SAXO1: variants seen among roughly 807,000 people sequenced by gnomAD.
The protein encoded by SAXO1 is 4930500O09Rik.
SAXO1 carries 21 observed loss-of-function variants against 17.5 expected under a neutral mutation model. The observed-to-expected ratio is 1.20, with a 90% CI of 0.85 to 1.72. The LOEUF is 1.72. SAXO1 is among the 40% of genes most tolerant of loss of function. The pLI is 0.00. For synonymous variants in SAXO1, 274 were observed against 216.5 expected (o/e 1.27, Z -2.33); for missense variants, 843 against 596.0 (o/e 1.41, Z -4.32).
In SAXO1 at chr9:19,024,345, A is replaced by G. The variant is rs1318252065; in HGVS notation, c.38+8526T>C. Reference sequence around the variant, plus strand: ...CAACCTTAAGAATATCGCAAGGACAAAAAACCAAACACCGCATGTTCTCAC... The same window carrying G: ...CAACCTTAAGAATATCGCAAGGACAGAAAACCAAACACCGCATGTTCTCAC... On this transcript the variant is annotated intron_variant, in intron 1 of 3. Coordinates refer to ENST00000380534, the MANE Select transcript of SAXO1 (RefSeq NM_153707.4). Among the ~76,000 whole-genome samples the G allele has an allele frequency of 2.0e-5, 3 of 152,086 alleles. No individual in the cohort carries two copies. The East Asian group carries it at 5.8e-4, about 30-fold the overall frequency.
chr9:19,014,416 A>C (rs62560439), intron 1 of SAXO1, among the ~76,000 whole-genome samples: 5,701 of 144,740 alleles, frequency 0.039, 142 homozygotes, highest in Non-Finnish European at 0.055. Context: ...AGCTGAGATC[A>C]CGCCACTGCA....
At chr9:18,942,757 G>T (rs10811069) in intron 2 of SAXO1, among the ~76,000 whole-genome samples, 3 of 152,042 alleles carry the variant, frequency 2.0e-5, no homozygotes, top group Non-Finnish European at 4.4e-5. Context: ...ACCAGGAACC[G>T]CCCTAAGGAG....
intron 1 of SAXO1, among the ~76,000 whole-genome samples, chr9:18,957,442 A>G (rs4977478): frequency 0.77 from 117,622 of 152,034 alleles, 45,578 homozygotes; most frequent in Middle Eastern, 0.83. Flanking sequence ...CCAGGGCCCA[A>G]TCACCTCCCA....
rs1834193310 is a variant in SAXO1, at chr9:19,000,117, C to T, written c.38+32754G>A. Among the ~76,000 whole-genome samples, 4 of 151,004 alleles carry T rather than the reference C, an allele frequency of 2.6e-5. No homozygotes were observed. In the South Asian group the frequency reaches 8.4e-4, roughly 32 times the overall value. The stretch of plus-strand genomic sequence containing the variant: ...CCCACCATCTGGGAAGTGAGGAGCA[C>T]CTCTGTCCGGCTGTCCCACTGTCTG... On this transcript the variant is annotated intron_variant, in intron 1 of 3. Coordinates refer to ENST00000380534, the MANE Select transcript of SAXO1 (RefSeq NM_153707.4).
intron 2 of SAXO1, among the ~76,000 whole-genome samples, chr9:18,945,301 A>T (rs1831742903): frequency 6.6e-6 from 1 of 151,840 alleles, no homozygotes; most frequent in African/African-American, 2.4e-5. Flanking sequence ...ACCTTATCCC[A>T]CTGTGGTTGT....
intron 3 of SAXO1, among the ~76,000 whole-genome samples, chr9:18,931,955 A>C (rs921628736): frequency 6.6e-6 from 1 of 152,078 alleles, no homozygotes; most frequent in Non-Finnish European, 1.5e-5. Context: ...CAAGTCTATC[A>C]CTTCTCTTTT....
Position 18,941,667 on chromosome 9 carries a change from C to A in SAXO1, c.391G>T (p.Asp131Tyr), listed in dbSNP as rs144484870. The change falls in exon 3 of 4, where the codon GAC becomes TAC. Residue 131 changes from aspartate (D) to tyrosine (Y), a missense_variant. By Grantham distance (160) the Asp-to-Tyr change is radical. Coordinates refer to ENST00000380534, the MANE Select transcript of SAXO1 (RefSeq NM_153707.4). ...TAAGTAGGCAAACACTCCATCTTGT[C>A]GCTACATGGATATTTACTGTCCCGA... ...KPRDSKYPCS[D>Y]KMECLPTYKA... The A allele has an allele frequency of 1.9e-6, 3 of 1,614,072 alleles. No homozygotes were observed. Among genetic ancestry groups the A allele is most frequent in the Non-Finnish European group, 2.5e-6 (3 of 1,180,044 alleles).
Position 18,928,135 on chromosome 9 carries a change from G to C in SAXO1, c.1342C>G (p.Gln448Glu), listed in dbSNP as rs755179335. The change falls in exon 4 of 4, where the codon CAG (glutamine) becomes GAG (glutamate). Residue 448 changes from glutamine (Q) to glutamate (E), a missense_variant. Physicochemically the swap from Gln to Glu is conservative, Grantham distance 29. Transcript: ENST00000380534. ...LGHRIYKPVS[Q>E]AGSQQSSHLS... is the part of the protein sequence containing the mutation. ...TGGCTGCTCTGCTGAGAGCCTGCCT[G>C]GGAAACTGGTTTGTATATCCTGTGA... 4 of 1,614,068 alleles carry C rather than the reference G, an allele frequency of 2.5e-6. No homozygotes were observed. Among genetic ancestry groups the C allele is most frequent in the Admixed American group, 3.3e-5 (2 of 60,000 alleles).
intron 1 of SAXO1, chr9:19,027,353 G>A (rs544960758): frequency 1.5e-5 from 12 of 780,770 alleles, no homozygotes; most frequent in East Asian, 7.3e-5. Flanking sequence ...TACGACTCGC[G>A]GGTGAAGGCC....
chr9:18,953,349 C>G, intron 1 of SAXO1, among the ~76,000 whole-genome samples: 1 of 152,208 alleles, frequency 6.6e-6, no homozygotes, highest in Admixed American at 6.5e-5. Flanking sequence ...GTAACACACT[C>G]TAAGGATTTA....
intron 3 of SAXO1, among the ~76,000 whole-genome samples, chr9:18,930,037 A>G (rs911097098): frequency 1.3e-5 from 2 of 152,254 alleles, no homozygotes; most frequent in Non-Finnish European, 2.9e-5. Flanking sequence ...AACTTGCCCA[A>G]AAGTCACATG....
At chr9:18,974,547 A>T (rs1833061668) in intron 1 of SAXO1, among the ~76,000 whole-genome samples, 1 of 152,248 alleles carries the variant, frequency 6.6e-6, no homozygotes, top group African/African-American at 2.4e-5. Flanking sequence ...TCAGAAAGTC[A>T]GGAAATGCTG....
At chr9:19,041,700 A>C (rs1481878776) in intron 1 of SAXO1, among the ~76,000 whole-genome samples, 1 of 152,232 alleles carries the variant, frequency 6.6e-6, no homozygotes, top group Non-Finnish European at 1.5e-5. Context: ...GGGTAAAAAC[A>C]GTCTCTTCAA....
intron 1 of SAXO1, among the ~76,000 whole-genome samples, chr9:18,965,155 T>G (rs1832662470): frequency 6.6e-6 from 1 of 152,234 alleles, no homozygotes; most frequent in Non-Finnish European, 1.5e-5. Flanking sequence ...TTGCATTTGC[T>G]GAGAAGTGTT....
intron 1 of SAXO1, among the ~76,000 whole-genome samples, chr9:18,969,044 G>A (rs1028526487): frequency 4.7e-4 from 69 of 146,088 alleles, no homozygotes; most frequent in African/African-American, 1.9e-3. Flanking sequence ...GGCCCACTCT[G>A]TTCTCTTTTT....
chr9:18,939,517 A>G (rs1831457901), intron 3 of SAXO1, among the ~76,000 whole-genome samples: 1 of 152,262 alleles, frequency 6.6e-6, no homozygotes. Flanking sequence ...GGAAGGGCTC[A>G]GAATGTGATC....
At chr9:19,005,949 C>A (rs886556940) in intron 1 of SAXO1, among the ~76,000 whole-genome samples, 1 of 150,692 alleles carries the variant, frequency 6.6e-6, no homozygotes, top group Non-Finnish European at 1.5e-5. Flanking sequence ...ACAAAAAAAA[C>A]AAACAAACAA....
At chr9:19,020,665 AT>A (rs1361772377) in intron 1 of SAXO1, among the ~76,000 whole-genome samples, 19 of 152,230 alleles carry the variant, frequency 1.2e-4, no homozygotes, top group African/African-American at 4.3e-4. Flanking sequence ...AACCAAGATA[AT>A]TTTGAATCTT....
intron 1 of SAXO1, among the ~76,000 whole-genome samples, chr9:19,018,781 G>C (rs1266605496): frequency 1.3e-5 from 2 of 152,130 alleles, no homozygotes; most frequent in African/African-American, 4.8e-5. Context: ...CTGAAGTCTG[G>C]GTATGTGCTT....
Sources: gnomAD v4.1 joint callset for allele counts (sites outside exome capture counted in the v4.1 genomes callset) on GRCh38, gnomAD v4.1.1 for gene constraint, MANE v1.5 for transcripts, NCBI Gene and HGNC (gene_info 2026-07-23, HGNC 2026-07-21) for gene names.